Variants in PAX7 observed in about 807,000 individuals in gnomAD.
PAX7 encodes the protein paired box 7.
In PAX7, 18 loss-of-function variants were observed where a neutral mutation model predicts 50.7. That is an observed-to-expected ratio of 0.36 (90% CI 0.25 to 0.53). The LOEUF is 0.53. PAX7 is among the 20% of genes least tolerant of loss of function. PAX7 has a pLI of 0.93. For missense variants in PAX7, 644 were observed against 702.9 expected, an observed-to-expected ratio of 0.92 and a Z score of 0.95; for synonymous variants, 310 against 290.4, an observed-to-expected ratio of 1.07 and a Z score of -0.69.
chr1:18,714,778 C>T (rs935937749), intron 7 of PAX7, among the ~76,000 whole-genome samples: 17 of 152,260 alleles, frequency 1.1e-4, no homozygotes, highest in African/African-American at 4.1e-4. Context: ...TGTACATCCG[C>T]ACCTCCTTCC....
chr1:18,637,044 G>A (rs971503840), intron 4 of PAX7, among the ~76,000 whole-genome samples: 1 of 152,102 alleles, frequency 6.6e-6, no homozygotes, highest in South Asian at 2.1e-4. Flanking sequence ...GGATCGCAGT[G>A]GGGGAGAGAC....
At chr1:18,725,993 T>TGTGC (rs1288009468) in intron 7 of PAX7, among the ~76,000 whole-genome samples, 1 of 148,532 alleles carries the variant, frequency 6.7e-6, no homozygotes, top group Non-Finnish European at 1.5e-5. Flanking sequence ...TGTGTGTGTG[T>TGTGC]GCGCGCGCGC....
At chr1:18,722,242 G>A (rs1314341013) in intron 7 of PAX7, among the ~76,000 whole-genome samples, 4 of 152,094 alleles carry the variant, frequency 2.6e-5, no homozygotes. Context: ...GGTTGGAGTT[G>A]GGGTGCATGC....
intron 7 of PAX7, among the ~76,000 whole-genome samples, chr1:18,719,130 G>A (rs2089464094): frequency 6.6e-6 from 1 of 152,216 alleles, no homozygotes; most frequent in Non-Finnish European, 1.5e-5. Flanking sequence ...GAGTTAGCAG[G>A]GCTTTTGAGG....
intron 5 of PAX7, among the ~76,000 whole-genome samples, chr1:18,698,756 C>A (rs1439603183): frequency 6.6e-6 from 1 of 152,204 alleles, no homozygotes; most frequent in Non-Finnish European, 1.5e-5. Flanking sequence ...CCATCGGGAG[C>A]CAGTCGTTTT....
intron 4 of PAX7, among the ~76,000 whole-genome samples, chr1:18,641,428 G>T (rs549375415): frequency 7.2e-5 from 11 of 152,142 alleles, no homozygotes; most frequent in African/African-American, 9.7e-5. Context: ...CCCAGGGCGC[G>T]CAAGAAAAGA....
At chr1:18,741,264 C>G (rs1557563104) in intron 8 of PAX7, among the ~76,000 whole-genome samples, 3 of 152,146 alleles carry the variant, frequency 2.0e-5, no homozygotes, top group South Asian at 2.1e-4. Flanking sequence ...GCCTGGCCAA[C>G]ATGGTGAAAC....
intron 4 of PAX7, among the ~76,000 whole-genome samples, chr1:18,673,015 A>G (rs72650306): frequency 0.12 from 17,762 of 152,092 alleles, 1,238 homozygotes; most frequent in East Asian, 0.28. Context: ...GCACTGGCAC[A>G]TGCAGAGCTG....
chr1:18,640,107 T>C (rs1328862692), intron 4 of PAX7, among the ~76,000 whole-genome samples: 2 of 151,996 alleles, frequency 1.3e-5, no homozygotes, highest in East Asian at 1.9e-4. Context: ...TGAGGCAGAT[T>C]TGTTTCTCTT....
intron 4 of PAX7, among the ~76,000 whole-genome samples, chr1:18,666,574 C>G (rs1406584170): frequency 1.3e-5 from 2 of 152,192 alleles, no homozygotes; most frequent in Non-Finnish European, 2.9e-5. Context: ...AGCCCCCAAT[C>G]TGAGTAAAGG....
At chr1:18,736,517 A>G (rs915515937) in intron 8 of PAX7, among the ~76,000 whole-genome samples, 1 of 152,088 alleles carries the variant, frequency 6.6e-6, no homozygotes, top group Admixed American at 6.6e-5. Context: ...ATTTTTACTA[A>G]CATTTTATTT....
At chr1:18,635,623 T>C (rs2088141907) in intron 3 of PAX7, among the ~76,000 whole-genome samples, 1 of 152,046 alleles carries the variant, frequency 6.6e-6, no homozygotes, top group Non-Finnish European at 1.5e-5. Flanking sequence ...AGAGCCCCCC[T>C]GGAGGCTTTT....
At chr1:18,664,178 A>G (rs2088635696) in intron 4 of PAX7, among the ~76,000 whole-genome samples, 1 of 152,196 alleles carries the variant, frequency 6.6e-6, no homozygotes. Context: ...TCTCACTTTC[A>G]CAGATGGATG....
At chr1:18,668,836 A>G (rs1335490928) in intron 4 of PAX7, among the ~76,000 whole-genome samples, 1 of 152,172 alleles carries the variant, frequency 6.6e-6, no homozygotes, top group Non-Finnish European at 1.5e-5. Flanking sequence ...TTGGCACCAC[A>G]TTTCCCAAGA....
intron 4 of PAX7, among the ~76,000 whole-genome samples, chr1:18,671,412 AC>A (rs1177868950): frequency 6.6e-6 from 1 of 152,258 alleles, no homozygotes; most frequent in Non-Finnish European, 1.5e-5. Flanking sequence ...GCAGAACTGT[AC>A]AATGCACTCT....
At position 18,746,702 on chromosome 1, in the gene PAX7, C is replaced by T. The variant is rs550634875; in HGVS notation, c.*1773C>T. On this transcript the variant is annotated 3_prime_UTR_variant, in exon 9 of 9. Transcript: ENST00000420770. ...CATTCCTAGAGGGAAAGGGCTGCTGCTCTGGGAGTCAACCTGAGTTCCTCC... is the reference window on the plus strand; with the variant it reads ...CATTCCTAGAGGGAAAGGGCTGCTGTTCTGGGAGTCAACCTGAGTTCCTCC... The T allele has an allele frequency of 2.2e-5, 5 of 231,202 alleles. No homozygotes were observed. Among genetic ancestry groups the T allele is most frequent in the African/African-American group, 8.8e-5 (4 of 45,216 alleles). The allele number at this position is 231,202 out of a possible 1,614,324, so 14.3% of individuals were successfully genotyped here.
intron 7 of PAX7, 29 bp downstream of exon 7, chr1:18,703,325 TC>T: frequency 6.3e-7 from 1 of 1,592,542 alleles, no homozygotes; most frequent in Non-Finnish European, 8.6e-7. Flanking sequence ...GCACCCAGGA[TC>T]CCACCGCCAC....
chr1:18,634,279 C>T lies in PAX7; in HGVS notation c.86-24C>T, dbSNP rs753881583. The T allele has an allele frequency of 1.1e-5, 18 of 1,589,710 alleles. No homozygotes were observed. Among genetic ancestry groups the T allele is most frequent in the Non-Finnish European group, 1.6e-5 (18 of 1,160,398 alleles). ...ATCCTCACCCTGCACCTCTCTCCTT[C>T]TGCATCTCCCCTCCCTTCTCCAGTG... On this transcript the variant is annotated intron_variant, in intron 1 of 8. Coordinates refer to ENST00000420770, the MANE Select transcript of PAX7 (RefSeq NM_001135254.2). The surrounding 1 kb of genome is among the most constrained non-coding windows in gnomAD (Gnocchi z 4.0).
intron 8 of PAX7, among the ~76,000 whole-genome samples, chr1:18,741,953 G>A (rs1557563391): frequency 6.6e-6 from 1 of 152,156 alleles, no homozygotes; most frequent in Non-Finnish European, 1.5e-5. Context: ...CTTTGAAGTG[G>A]TGCAGTCTCT....
Sources: gnomAD v4.1 joint callset for allele counts (sites outside exome capture counted in the v4.1 genomes callset) on GRCh38, gnomAD v4.1.1 for gene constraint, Gnocchi (gnomAD v3.1) non-coding constraint, MANE v1.5 for transcripts, NCBI Gene and HGNC (gene_info 2026-07-23, HGNC 2026-07-21) for gene names.